R3HDM1: variants seen among roughly 807,000 people sequenced by gnomAD.
R3HDM1 encodes the protein R3H domain containing 1.
Under a neutral mutation model 141.1 loss-of-function variants are expected in R3HDM1, and 46 were observed. The ratio of observed to expected loss-of-function variants is 0.33; its 90% CI spans 0.26 to 0.42. The LOEUF (loss-of-function observed/expected upper bound fraction) is 0.42, where lower values mean the gene tolerates loss of function less well. R3HDM1 is among the 10% of genes least tolerant of loss of function. The pLI is 1.00. For missense variants in R3HDM1, 1,184 were observed against 1,368.3 expected (o/e 0.87, Z 2.12); for synonymous variants, 435 against 472.9 (o/e 0.92, Z 1.04).
intron 1 of R3HDM1, among the ~76,000 whole-genome samples, chr2:135,553,335 G>A (rs1435107722): frequency 2.0e-5 from 3 of 152,128 alleles, no homozygotes; most frequent in Non-Finnish European, 4.4e-5. Context: ...TTTTTATAAA[G>A]TGGCATTTGT....
At chr2:135,560,293 C>T (rs1701556737) in intron 1 of R3HDM1, among the ~76,000 whole-genome samples, 1 of 152,178 alleles carries the variant, frequency 6.6e-6, no homozygotes, top group Admixed American at 6.6e-5. Flanking sequence ...CTAACTCAAA[C>T]ATGAAGCATT....
chr2:135,539,443 T>C lies in R3HDM1; in HGVS notation c.-250+7810T>C, dbSNP rs538398534. ...GGAATTTTTCACCAACATAGTCTTA[T>C]GGGACCACTATCATTTATGCAGTCC... On this transcript the variant is annotated intron_variant, in intron 1 of 26. Coordinates refer to ENST00000683871, the MANE Select transcript of R3HDM1 (RefSeq NM_001378107.1). 3.3e-3 allele frequency among the ~76,000 whole-genome samples: 503 copies of C among 152,320 alleles called. 5 individuals carry two copies. Among genetic ancestry groups the C allele is most frequent in the South Asian group, 7.9e-3 (38 of 4,828 alleles).
chr2:135,721,497 A>T (rs562253646), intron 24 of R3HDM1: 1 of 168,986 alleles, frequency 5.9e-6, no homozygotes, highest in South Asian at 1.5e-4. Flanking sequence ...AATGTCAGTT[A>T]TCTATACTTT....
intron 20 of R3HDM1, among the ~76,000 whole-genome samples, chr2:135,679,888 T>C (rs1258450154): frequency 6.6e-6 from 1 of 152,186 alleles, no homozygotes; most frequent in African/African-American, 2.4e-5. Flanking sequence ...GAGATCAGCC[T>C]GACCAACATG....
intron 21 of R3HDM1, among the ~76,000 whole-genome samples, chr2:135,702,964 C>T (rs1176137152): frequency 6.6e-6 from 1 of 152,146 alleles, no homozygotes; most frequent in Non-Finnish European, 1.5e-5. Flanking sequence ...AAAGTGCTGT[C>T]TCTAACAGAT....
chr2:135,685,145 C>A (rs1293358113), intron 21 of R3HDM1, among the ~76,000 whole-genome samples: 2 of 152,106 alleles, frequency 1.3e-5, no homozygotes, highest in Non-Finnish European at 1.5e-5. Flanking sequence ...TTTCTAATTT[C>A]TTGACAAACA....
intron 16 of R3HDM1, 100 bp from the exon 17 acceptor site, chr2:135,649,802 G>A (rs921413832): frequency 1.2e-4 from 67 of 581,256 alleles, no homozygotes; most frequent in Admixed American, 1.5e-4. Flanking sequence ...TATAAATGTA[G>A]TTAAAGCTAT....
intron 1 of R3HDM1, among the ~76,000 whole-genome samples, chr2:135,541,878 A>G (rs1391551967): frequency 6.6e-6 from 1 of 151,788 alleles, no homozygotes; most frequent in Non-Finnish European, 1.5e-5. Flanking sequence ...AAAAGAAAGA[A>G]AGAAAGAGAA....
At chr2:135,588,490 T>A (rs892269532) in intron 1 of R3HDM1, among the ~76,000 whole-genome samples, 2 of 152,184 alleles carry the variant, frequency 1.3e-5, no homozygotes, top group African/African-American at 4.8e-5. Flanking sequence ...TGGAGCCAGA[T>A]CTGCACTTAA....
chr2:135,639,453 T>C (rs1464317525), intron 14 of R3HDM1, among the ~76,000 whole-genome samples: 1 of 152,230 alleles, frequency 6.6e-6, no homozygotes, highest in Non-Finnish European at 1.5e-5. Flanking sequence ...TCGTAGTTGG[T>C]AGAAGGCATG....
At chr2:135,594,448 T>C (rs1710094048) in intron 1 of R3HDM1, among the ~76,000 whole-genome samples, 1 of 152,102 alleles carries the variant, frequency 6.6e-6, no homozygotes, top group South Asian at 2.1e-4. Flanking sequence ...GTCAAAGAAT[T>C]AGAGATACCC....
intron 1 of R3HDM1, among the ~76,000 whole-genome samples, chr2:135,540,367 G>A (rs115782181): frequency 6.6e-6 from 1 of 152,094 alleles, no homozygotes; most frequent in African/African-American, 2.4e-5. Context: ...TCACAGATGC[G>A]TAGGTGGTCA....
intron 18 of R3HDM1, among the ~76,000 whole-genome samples, chr2:135,653,339 G>T (rs1365779271): frequency 6.6e-6 from 1 of 152,128 alleles, no homozygotes; most frequent in Non-Finnish European, 1.5e-5. Context: ...CTGGGCAACA[G>T]AGCAAGACTC....
intron 1 of R3HDM1, chr2:135,576,971 CAA>C: frequency 2.2e-6 from 1 of 452,618 alleles, no homozygotes; most frequent in Non-Finnish European, 2.9e-6. Context: ...AGCCACTGAA[CAA>C]GACACTGAAT....
At chr2:135,625,037 A>G (rs2061867556) in intron 7 of R3HDM1, among the ~76,000 whole-genome samples, 3 of 152,188 alleles carry the variant, frequency 2.0e-5, no homozygotes, top group South Asian at 2.1e-4. Context: ...GCACTGAGCT[A>G]TGATCTCGCC....
chr2:135,599,398 T>C (rs2059442288), intron 1 of R3HDM1, among the ~76,000 whole-genome samples: 1 of 152,242 alleles, frequency 6.6e-6, no homozygotes, highest in Non-Finnish European at 1.5e-5. Flanking sequence ...AACTGAGATA[T>C]ATACTTGAAT....
chr2:135,665,585 C>A, intron 19 of R3HDM1: 1 of 331,772 alleles, frequency 3.0e-6, no homozygotes, highest in South Asian at 2.6e-5. Context: ...ACCTTTAAAT[C>A]ATGCATCATA....
chr2:135,660,069 A>G (rs985046654), intron 18 of R3HDM1, among the ~76,000 whole-genome samples: 1 of 152,226 alleles, frequency 6.6e-6, no homozygotes, highest in Non-Finnish European at 1.5e-5. Flanking sequence ...GGGAGTGGAT[A>G]AAGTAGTTTA....
At chr2:135,695,595 A>G (rs2073122753) in intron 21 of R3HDM1, among the ~76,000 whole-genome samples, 1 of 152,210 alleles carries the variant, frequency 6.6e-6, no homozygotes, top group African/African-American at 2.4e-5. Context: ...TTATAGAGAA[A>G]ATCTTAAAAG....
Sources: gnomAD v4.1 joint callset for allele counts (sites outside exome capture counted in the v4.1 genomes callset) on GRCh38, gnomAD v4.1.1 for gene constraint, MANE v1.5 for transcripts, NCBI Gene and HGNC (gene_info 2026-07-23, HGNC 2026-07-21) for gene names.